Variants in CLSTN2 observed in about 807,000 individuals in gnomAD.
The protein encoded by CLSTN2 is calsyntenin 2.
In CLSTN2, 48 loss-of-function variants were observed where a neutral mutation model predicts 101.2. The observed-to-expected ratio is 0.47, with a 90% CI of 0.38 to 0.60. CLSTN2 has a LOEUF of 0.60. CLSTN2 is among the 20% of genes least tolerant of loss of function. The probability of loss-of-function intolerance (pLI) is 0.00; values close to 1 mark genes in which losing one functional copy is unlikely to be tolerated. For missense variants in CLSTN2, 1,160 were observed against 1,238.2 expected, an observed-to-expected ratio of 0.94 and a Z score of 0.95; for synonymous variants, 481 against 463.6, an observed-to-expected ratio of 1.04 and a Z score of -0.48.
intron 8 of CLSTN2, among the ~76,000 whole-genome samples, chr3:140,499,249 G>A (rs921921483): frequency 6.6e-5 from 10 of 152,246 alleles, no homozygotes; most frequent in East Asian, 1.9e-4. Context: ...ATCTGAAGAC[G>A]CTTCTCTTTC....
intron 1 of CLSTN2, among the ~76,000 whole-genome samples, chr3:139,937,840 C>A (rs761519511): frequency 1.3e-5 from 2 of 152,012 alleles, no homozygotes; most frequent in African/African-American, 2.4e-5. Flanking sequence ...TCCGAATTCC[C>A]CTTGTTCTCG....
In CLSTN2 at chr3:140,000,090, C is replaced by T. The variant is rs534787216; in HGVS notation, c.109+64607C>T. ...GATGGGCATTTCATATAGTCATCCCCTTTAAGATTTACAGCAGCAGTGTGG... is the reference window on the plus strand; with the variant it reads ...GATGGGCATTTCATATAGTCATCCCTTTTAAGATTTACAGCAGCAGTGTGG... On this transcript the variant is annotated intron_variant, in intron 1 of 16. Transcript: ENST00000458420. Among the ~76,000 whole-genome samples the T allele has an allele frequency of 1.2e-4, 18 of 150,602 alleles. No individual in the cohort carries two copies. The South Asian group carries it at 3.7e-3, about 31-fold the overall frequency.
chr3:140,136,275 G>C (rs559478815), intron 1 of CLSTN2, among the ~76,000 whole-genome samples: 2 of 152,186 alleles, frequency 1.3e-5, no homozygotes, highest in Non-Finnish European at 2.9e-5. Flanking sequence ...TTTGTAGTTA[G>C]AGGATAGGCT....
Position 140,563,994 on chromosome 3 carries a change from T to C in CLSTN2, c.2516T>C (p.Ile839Thr). 6.2e-7 allele frequency: 1 copy of C among 1,614,150 alleles called. No homozygotes were observed. Among genetic ancestry groups the C allele is most frequent in the Non-Finnish European group, 8.5e-7 (1 of 1,180,018 alleles). Residue 839 changes from isoleucine to threonine, a missense_variant, in exon 16 of 17, where the codon ATC becomes ACC. Transcript: ENST00000458420. ...AGCATTGCCACAGTGGTCATCATCA[T>C]CTCCGTGTGCATGCTTGTGTTTGTC... is the stretch of plus-strand genomic sequence containing the variant. ...VPSIATVVII[I>T]SVCMLVFVVA...
At chr3:140,368,642 G>C (rs945815646) in intron 2 of CLSTN2, among the ~76,000 whole-genome samples, 6 of 152,036 alleles carry the variant, frequency 3.9e-5, no homozygotes, top group African/African-American at 1.4e-4. Context: ...CTTCCTCCTA[G>C]GACTCTGACT....
At chr3:140,042,307 C>G (rs559366117) in intron 1 of CLSTN2, among the ~76,000 whole-genome samples, 1 of 152,164 alleles carries the variant, frequency 6.6e-6, no homozygotes, top group Non-Finnish European at 1.5e-5. Flanking sequence ...TTGAGTATTG[C>G]GCATAAATGG....
chr3:140,394,600 T>G (rs2088159542), intron 2 of CLSTN2, among the ~76,000 whole-genome samples: 1 of 149,670 alleles, frequency 6.7e-6, no homozygotes, highest in Non-Finnish European at 1.5e-5. Flanking sequence ...CAACACCTAT[T>G]GCAGCCTTTG....
intron 2 of CLSTN2, among the ~76,000 whole-genome samples, chr3:140,363,004 A>G (rs1301110525): frequency 2.6e-5 from 4 of 152,200 alleles, no homozygotes; most frequent in Admixed American, 1.3e-4. Context: ...TATGAAAAAT[A>G]CATGTCTACA....
intron 2 of CLSTN2, among the ~76,000 whole-genome samples, chr3:140,221,918 C>T (rs563394682): frequency 6.6e-6 from 1 of 151,752 alleles, no homozygotes; most frequent in Admixed American, 6.6e-5. Flanking sequence ...GAGGTTCCTC[C>T]AAAAATTAAA....
At chr3:140,117,043 G>A (rs1268924037) in intron 1 of CLSTN2, among the ~76,000 whole-genome samples, 1 of 152,152 alleles carries the variant, frequency 6.6e-6, no homozygotes, top group Non-Finnish European at 1.5e-5. Context: ...GCTGGGAGGG[G>A]GACAGTTTGC....
chr3:140,466,756 T>G lies in CLSTN2; in HGVS notation c.1344+25T>G. On this transcript the variant is annotated intron_variant, in intron 8 of 16. Coordinates refer to ENST00000458420, the MANE Select transcript of CLSTN2 (RefSeq NM_022131.3). ...GGTATGGTGCTCACCTCACACCTGC[T>G]GCTACTCATGCCTCTGCGGGGGTGG... The G allele has an allele frequency of 1.9e-6, 3 of 1,613,476 alleles. No individual in the cohort carries two copies. In the South Asian group the frequency reaches 3.3e-5, roughly 18 times the overall value.
At chr3:140,465,184 AG>A (rs1933659572) in intron 7 of CLSTN2, among the ~76,000 whole-genome samples, 1 of 152,218 alleles carries the variant, frequency 6.6e-6, no homozygotes, top group South Asian at 2.1e-4. Context: ...AGAGCTATGA[AG>A]GCTCATGAAG....
intron 8 of CLSTN2, among the ~76,000 whole-genome samples, chr3:140,519,163 T>C (rs1559892587): frequency 6.6e-6 from 1 of 152,240 alleles, no homozygotes; most frequent in Non-Finnish European, 1.5e-5. Flanking sequence ...ATATCTTGTG[T>C]TCTAATTTAA....
At chr3:140,402,131 G>A (rs1359886609) in intron 2 of CLSTN2, among the ~76,000 whole-genome samples, 1 of 152,204 alleles carries the variant, frequency 6.6e-6, no homozygotes, top group Non-Finnish European at 1.5e-5. Context: ...GATTGGTATT[G>A]ATTGAACATC....
intron 8 of CLSTN2, among the ~76,000 whole-genome samples, chr3:140,531,396 A>ATT (rs1935252434): frequency 6.6e-6 from 1 of 152,236 alleles, no homozygotes; most frequent in African/African-American, 2.4e-5. Flanking sequence ...TCTGTTCATG[A>ATT]GAAACAGCAT....
At chr3:140,072,007 C>T (rs756144078) in intron 1 of CLSTN2, among the ~76,000 whole-genome samples, 3 of 152,060 alleles carry the variant, frequency 2.0e-5, no homozygotes, top group African/African-American at 4.8e-5. Flanking sequence ...TTGAAATAGA[C>T]ATTTCCCATG....
chr3:140,440,394 A>G (rs1406570399), intron 5 of CLSTN2, among the ~76,000 whole-genome samples: 1 of 152,252 alleles, frequency 6.6e-6, no homozygotes, highest in East Asian at 1.9e-4. Context: ...TCAGTAATAA[A>G]GGAAAAGAGG....
chr3:140,565,375 A>G (rs1417143342), intron 16 of CLSTN2, among the ~76,000 whole-genome samples: 1 of 152,140 alleles, frequency 6.6e-6, no homozygotes, highest in Non-Finnish European at 1.5e-5. Context: ...AGGAGAAACA[A>G]CTTTTATGAC....
chr3:140,438,269 C>T (rs931823340), intron 5 of CLSTN2, among the ~76,000 whole-genome samples: 1 of 140,228 alleles, frequency 7.1e-6, no homozygotes, highest in South Asian at 2.3e-4. Context: ...CCTCTCCCAC[C>T]CTCACACATG....
Sources: allele counts gnomAD v4.1 joint callset (sites outside exome capture counted in the v4.1 genomes callset), GRCh38; gene constraint gnomAD v4.1.1; transcripts MANE v1.5; gene names NCBI Gene and HGNC (gene_info 2026-07-23, HGNC 2026-07-21).